Variants in CIMIP2C observed in about 807,000 individuals in gnomAD.
The protein encoded by CIMIP2C is UPF0573 protein C2orf70.
At chr2:26,563,495 C>T in the CIMIP2C span, among the ~76,000 whole-genome samples, 1 of 152,160 alleles carries the variant, frequency 6.6e-6, no homozygotes, top group African/African-American at 2.4e-5. Flanking sequence ...GTCTTTATCC[C>T]TCCTACCAGT....
chr2:26,565,015 TTTC>T, the CIMIP2C span, among the ~76,000 whole-genome samples: 34 of 150,096 alleles, frequency 2.3e-4, no homozygotes, highest in Admixed American at 5.3e-4. Flanking sequence ...TTCACAACAT[TTTC>T]TTCTTCTTCT....
At chr2:26,573,542 C>T in the CIMIP2C span, among the ~76,000 whole-genome samples, 4 of 148,998 alleles carry the variant, frequency 2.7e-5, no homozygotes, top group South Asian at 2.1e-4. Context: ...GCGCCCAGGC[C>T]GGGAGGAAGA....
chr2:26,562,928 C>T, the CIMIP2C span: 1 of 557,618 alleles, frequency 1.8e-6, no homozygotes, highest in Non-Finnish European at 3.2e-6. Flanking sequence ...AAGTGGGGCA[C>T]AGCCAGCAGG....
chr2:26,575,985 G>A, the CIMIP2C span: 56 of 1,613,882 alleles, frequency 3.5e-5, no homozygotes, highest in Middle Eastern at 3.3e-4. Flanking sequence ...CAGGACCACC[G>A]CAACAGAGCC....
chr2:26,577,736 C>A, the CIMIP2C span: 1 of 827,490 alleles, frequency 1.2e-6, no homozygotes, highest in Non-Finnish European at 1.9e-6. Context: ...AGTTGAGGAT[C>A]TTGCCCTAAA....
At chr2:26,571,849 A>T in the CIMIP2C span, among the ~76,000 whole-genome samples, 1 of 152,246 alleles carries the variant, frequency 6.6e-6, no homozygotes, top group African/African-American at 2.4e-5. Flanking sequence ...ATAAAGACAG[A>T]CAAAAGCAAC....
At chr2:26,562,714 TCC>T in the CIMIP2C span, 1 of 1,541,274 alleles carries the variant, frequency 6.5e-7, no homozygotes. Flanking sequence ...CCTCCTCCCC[TCC>T]CCCTTCCACT....
chr2:26,567,459 CT>C, the CIMIP2C span, among the ~76,000 whole-genome samples: 1 of 152,352 alleles, frequency 6.6e-6, no homozygotes, highest in African/African-American at 2.4e-5. Flanking sequence ...AATTAAACCT[CT>C]TTCCTTTATA....
the CIMIP2C span, among the ~76,000 whole-genome samples, chr2:26,574,104 G>A: frequency 6.6e-6 from 1 of 152,260 alleles, no homozygotes; most frequent in Non-Finnish European, 1.5e-5. Flanking sequence ...CCCCAGAAGA[G>A]GTGAGAGTAG....
the CIMIP2C span, among the ~76,000 whole-genome samples, chr2:26,565,014 T>C: frequency 1.3e-5 from 2 of 151,468 alleles, no homozygotes; most frequent in Non-Finnish European, 2.9e-5. Context: ...CTTCACAACA[T>C]TTTCTTCTTC....
chr2:26,567,435 C>A, the CIMIP2C span, among the ~76,000 whole-genome samples: 1 of 152,366 alleles, frequency 6.6e-6, no homozygotes, highest in East Asian at 1.9e-4. Flanking sequence ...CCCAACCCTG[C>A]AGAACTATTA....
At chr2:26,573,446 G>A in the CIMIP2C span, among the ~76,000 whole-genome samples, 1 of 152,218 alleles carries the variant, frequency 6.6e-6, no homozygotes, top group Non-Finnish European at 1.5e-5. Flanking sequence ...CGGAAGAAGG[G>A]CAGAGGCTGA....
At chr2:26,565,664 CT>C in the CIMIP2C span, among the ~76,000 whole-genome samples, 1,091 of 152,306 alleles carry the variant, frequency 7.2e-3, 9 homozygotes, top group African/African-American at 0.026. Flanking sequence ...CTTATCCCCC[CT>C]GCCTCACCTA....
At chr2:26,568,034 A>C in the CIMIP2C span, among the ~76,000 whole-genome samples, 1 of 151,910 alleles carries the variant, frequency 6.6e-6, no homozygotes, top group Admixed American at 6.6e-5. Context: ...TCCTTGGCAC[A>C]CCCCCGCCCC....
At chr2:26,579,045 A>G in the CIMIP2C span, 1 of 559,474 alleles carries the variant, frequency 1.8e-6, no homozygotes, top group Non-Finnish European at 3.3e-6. Flanking sequence ...GCACACTTCT[A>G]GCAGGAGTTA....
chr2:26,572,068 T>C, the CIMIP2C span: 1 of 1,533,842 alleles, frequency 6.5e-7, no homozygotes, highest in Non-Finnish European at 8.8e-7. Flanking sequence ...ATCAAAGGAC[T>C]AAAGCCATTA....
At chr2:26,578,806 A>G in the CIMIP2C span, 1 of 471,140 alleles carries the variant, frequency 2.1e-6, no homozygotes, top group Non-Finnish European at 4.4e-6. Context: ...TGCTGCTGAC[A>G]GTTTCACAAC....
the CIMIP2C span, among the ~76,000 whole-genome samples, chr2:26,566,034 C>T: frequency 1.3e-5 from 2 of 152,216 alleles, no homozygotes; most frequent in Admixed American, 6.5e-5. Flanking sequence ...ATGAGATTGG[C>T]CTCAGTGAGG....
the CIMIP2C span, chr2:26,579,408 G>T: frequency 1.2e-6 from 2 of 1,614,064 alleles, no homozygotes; most frequent in Non-Finnish European, 1.7e-6. Flanking sequence ...AGCGGAAAAA[G>T]AGAGACTGCT....
Sources: allele counts gnomAD v4.1 joint callset (sites outside exome capture counted in the v4.1 genomes callset), GRCh38; gene constraint gnomAD v4.1.1; transcripts MANE v1.5; gene names NCBI Gene and HGNC (gene_info 2026-07-23, HGNC 2026-07-21).